Variants in CADPS2 observed in about 807,000 individuals in gnomAD.
CADPS2 encodes calcium dependent secretion activator 2, also known as calcium-dependent secretion activator 2.
Under a neutral mutation model 172.5 loss-of-function variants are expected in CADPS2, and 93 were observed. The observed-to-expected ratio is 0.54, with a 90% confidence interval of 0.46 to 0.64. CADPS2 has a LOEUF of 0.64. Ranked by LOEUF, CADPS2 falls within the 30% of genes least tolerant of loss-of-function variation. CADPS2 has a pLI of 0.00. For synonymous variants in CADPS2, 546 were observed against 555.2 expected (o/e 0.98, Z 0.23); for missense variants, 1,420 against 1,565.9 (o/e 0.91, Z 1.57).
At chr7:122,720,576 A>G (rs1261203046) in intron 2 of CADPS2, among the ~76,000 whole-genome samples, 3 of 150,586 alleles carry the variant, frequency 2.0e-5, no homozygotes, top group Non-Finnish European at 4.5e-5. Context: ...GTATATACAT[A>G]CACATGTATA....
intron 14 of CADPS2, among the ~76,000 whole-genome samples, chr7:122,458,376 T>A (rs1238693961): frequency 6.6e-6 from 1 of 152,204 alleles, no homozygotes; most frequent in Admixed American, 6.5e-5. Flanking sequence ...TACCTCCTAT[T>A]GTTTGAATCA....
chr7:122,627,671 G>C (rs1340579171), intron 4 of CADPS2, among the ~76,000 whole-genome samples: 1 of 152,096 alleles, frequency 6.6e-6, no homozygotes, highest in African/African-American at 2.4e-5. Context: ...TTATTCTAAA[G>C]CATTACATAT....
intron 1 of CADPS2, among the ~76,000 whole-genome samples, chr7:122,798,299 C>T (rs978043079): frequency 6.6e-6 from 1 of 151,966 alleles, no homozygotes. Flanking sequence ...TTCACCCAGC[C>T]CCTAGACCAA....
In CADPS2 at chr7:122,575,944, A is replaced by T. The variant is rs2067983880; in HGVS notation, c.1335+5235T>A. Among the ~76,000 whole-genome samples, 4 of 152,294 alleles carry T rather than the reference A, an allele frequency of 2.6e-5. No individual in the cohort carries two copies. In the South Asian group the frequency reaches 8.3e-4, roughly 32 times the overall value. ...TGAATAGTATACATTACCATGGTAC[A>T]TTTGTTATAACCAAGAAACTTACAT... On this transcript the variant is annotated intron_variant, in intron 7 of 29. Transcript: ENST00000449022.
intron 2 of CADPS2, among the ~76,000 whole-genome samples, chr7:122,732,801 ATAT>A (rs2091791404): frequency 7.0e-6 from 1 of 142,482 alleles, no homozygotes; most frequent in South Asian, 2.1e-4. Flanking sequence ...TATACATTAT[ATAT>A]TATATACATA....
chr7:122,880,947 A>G (rs978755582), intron 1 of CADPS2, among the ~76,000 whole-genome samples: 2 of 152,332 alleles, frequency 1.3e-5, no homozygotes, highest in Admixed American at 1.3e-4. Flanking sequence ...TGAAACAGCA[A>G]TGTCACATAA....
intron 9 of CADPS2, among the ~76,000 whole-genome samples, chr7:122,498,991 C>T (rs1347437597): frequency 6.6e-6 from 1 of 152,192 alleles, no homozygotes; most frequent in Non-Finnish European, 1.5e-5. Context: ...TTTAAAAATG[C>T]CAGCTGCTCC....
intron 28 of CADPS2, among the ~76,000 whole-genome samples, chr7:122,332,621 A>G (rs534810570): frequency 1.3e-5 from 2 of 152,058 alleles, no homozygotes; most frequent in Non-Finnish European, 2.9e-5. Flanking sequence ...ATGCTGAAAA[A>G]CTTTCCTATC....
chr7:122,612,740 C>G (rs1292276375), intron 6 of CADPS2, among the ~76,000 whole-genome samples: 2 of 152,030 alleles, frequency 1.3e-5, no homozygotes, highest in African/African-American at 4.8e-5. Context: ...CCAAAACAAT[C>G]TTCAAAAGCA....
At chr7:122,416,666 G>C (rs116575846) in intron 17 of CADPS2, among the ~76,000 whole-genome samples, 1,537 of 152,250 alleles carry the variant, frequency 0.01, 28 homozygotes, top group African/African-American at 0.035. Flanking sequence ...AACTCTGACA[G>C]CTAGCAATTG....
intron 1 of CADPS2, among the ~76,000 whole-genome samples, chr7:122,883,258 T>C (rs1157576301): frequency 6.6e-6 from 1 of 152,168 alleles, no homozygotes; most frequent in African/African-American, 2.4e-5. Flanking sequence ...TGAACGGGCT[T>C]TGACTAAAGA....
chr7:122,615,721 C>A (rs1267072813), intron 5 of CADPS2, among the ~76,000 whole-genome samples: 1 of 151,852 alleles, frequency 6.6e-6, no homozygotes, highest in Non-Finnish European at 1.5e-5. Flanking sequence ...TATTGGTAAA[C>A]ATTGATACCA....
chr7:122,838,042 C>A (rs1018303293), intron 1 of CADPS2, among the ~76,000 whole-genome samples: 21 of 152,174 alleles, frequency 1.4e-4, no homozygotes, highest in South Asian at 8.3e-4. Flanking sequence ...AAAATACTGG[C>A]AAACTGAATC....
intron 17 of CADPS2, 126 bp downstream of exon 17, chr7:122,438,215 A>T: frequency 8.3e-7 from 1 of 1,198,936 alleles, no homozygotes; most frequent in Non-Finnish European, 1.2e-6. Context: ...CTGAGATTTT[A>T]ATGAGACATT....
intron 8 of CADPS2, among the ~76,000 whole-genome samples, chr7:122,550,335 T>C (rs963586221): frequency 1.7e-4 from 26 of 152,210 alleles, no homozygotes; most frequent in Non-Finnish European, 3.1e-4. Context: ...TAGCCAAGCA[T>C]GACTCTACAC....
intron 2 of CADPS2, among the ~76,000 whole-genome samples, chr7:122,677,603 C>G (rs2082517769): frequency 6.6e-6 from 1 of 152,168 alleles, no homozygotes; most frequent in South Asian, 2.1e-4. Context: ...TTAACCCTCA[C>G]AACTGCATAA....
At chr7:122,763,454 T>C (rs2093454018) in intron 1 of CADPS2, among the ~76,000 whole-genome samples, 4 of 152,190 alleles carry the variant, frequency 2.6e-5, no homozygotes, top group African/African-American at 7.2e-5. Context: ...ATGGGTCATA[T>C]GTATTTGTTA....
At chr7:122,715,934 T>TC (rs2089534441) in intron 2 of CADPS2, among the ~76,000 whole-genome samples, 1 of 152,046 alleles carries the variant, frequency 6.6e-6, no homozygotes, top group South Asian at 2.1e-4. Context: ...AGGTATTTTT[T>TC]CCCCATAAGT....
At chr7:122,759,987 T>C (rs2093321602) in intron 1 of CADPS2, among the ~76,000 whole-genome samples, 1 of 149,068 alleles carries the variant, frequency 6.7e-6, no homozygotes, top group Non-Finnish European at 1.5e-5. Context: ...GTGTATTTTA[T>C]ATATATATAT....
Sources: gnomAD v4.1 joint callset for allele counts (sites outside exome capture counted in the v4.1 genomes callset) on GRCh38, gnomAD v4.1.1 for gene constraint, MANE v1.5 for transcripts, NCBI Gene and HGNC (gene_info 2026-07-23, HGNC 2026-07-21) for gene names.